HIP1: variants seen among roughly 807,000 people sequenced by gnomAD.
HIP1 encodes the protein huntingtin-interacting protein 1.
HIP1 carries 65 observed loss-of-function variants against 147.6 expected under a neutral mutation model. The ratio of observed to expected loss-of-function variants is 0.44; its 90% confidence interval spans 0.36 to 0.54. The LOEUF is 0.54. HIP1 is among the 20% of genes least tolerant of loss of function. The probability of loss-of-function intolerance (pLI) is 0.00; values close to 1 mark genes in which losing one functional copy is unlikely to be tolerated. For missense variants in HIP1, 1,061 were observed against 1,299.6 expected (o/e 0.82, Z 2.82); for synonymous variants, 479 against 504.0 (o/e 0.95, Z 0.67).
chr7:75,641,456 TTTTCTTTTTC>T, intron 1 of HIP1, among the ~76,000 whole-genome samples: 1 of 149,750 alleles, frequency 6.7e-6, no homozygotes, highest in South Asian at 2.1e-4. Context: ...TCTTTTTTGG[TTTTCTTTTTC>T]TTTCTTTTTT....
chr7:75,592,154 A>T, intron 3 of HIP1, 42 bp from the exon 4 acceptor site: 2 of 1,573,558 alleles, frequency 1.3e-6, no homozygotes, highest in Non-Finnish European at 1.7e-6. Context: ...ATGGAGAAGG[A>T]AAGAAAGACA....
At chr7:75,716,511 C>T (rs1372590979) in intron 1 of HIP1, among the ~76,000 whole-genome samples, 15 of 146,930 alleles carry the variant, frequency 1.0e-4, no homozygotes, top group African/African-American at 3.1e-4. Context: ...CATGAGCCAC[C>T]GTGCCTGGAC....
At chr7:75,729,037 C>G (rs1801743732) in intron 1 of HIP1, among the ~76,000 whole-genome samples, 1 of 150,660 alleles carries the variant, frequency 6.6e-6, no homozygotes, top group Non-Finnish European at 1.5e-5. Context: ...ATGCAGTTTA[C>G]CCATGTAACA....
chr7:75,554,273 C>T, intron 20 of HIP1, 53 bp from the exon 21 acceptor site: 1 of 1,471,126 alleles, frequency 6.8e-7, no homozygotes, highest in Non-Finnish European at 9.5e-7. Context: ...GTGACACTTT[C>T]ATACCCTCTC....
intron 1 of HIP1, among the ~76,000 whole-genome samples, chr7:75,705,351 G>A (rs996574947): frequency 6.6e-6 from 1 of 151,948 alleles, no homozygotes; most frequent in Non-Finnish European, 1.5e-5. Flanking sequence ...TGTAACAGCA[G>A]GATCTCTACC....
intron 20 of HIP1, 74 bp from the exon 21 acceptor site, chr7:75,554,294 A>C (rs1368858577): frequency 7.3e-7 from 1 of 1,369,744 alleles, no homozygotes; most frequent in African/African-American, 1.4e-5. Flanking sequence ...CTCCCGTTTT[A>C]TGAGTTGCCT....
intron 1 of HIP1, among the ~76,000 whole-genome samples, chr7:75,658,444 T>C (rs1799208518): frequency 1.3e-5 from 2 of 152,154 alleles, no homozygotes; most frequent in South Asian, 4.1e-4. Flanking sequence ...CTGCCCAGCT[T>C]CAGGACTAGT....
At chr7:75,675,553 T>C (rs1554515869) in intron 1 of HIP1, among the ~76,000 whole-genome samples, 1 of 152,184 alleles carries the variant, frequency 6.6e-6, no homozygotes, top group African/African-American at 2.4e-5. Flanking sequence ...TGTCATTTTC[T>C]TTTTTGTTCC....
intron 1 of HIP1, among the ~76,000 whole-genome samples, chr7:75,704,672 T>A (rs529819707): frequency 6.6e-6 from 1 of 152,018 alleles, no homozygotes; most frequent in Admixed American, 6.6e-5. Flanking sequence ...AACCTCCACC[T>A]CCCAGGTTCA....
intron 5 of HIP1, 89 bp downstream of exon 5, chr7:75,586,664 G>A (rs1554499686): frequency 2.4e-6 from 2 of 818,848 alleles, no homozygotes; most frequent in Non-Finnish European, 4.2e-6. Flanking sequence ...TCTATTACCT[G>A]AAAGAGCTGA....
At chr7:75,545,228 G>C in intron 25 of HIP1, 40 bp from the exon 26 acceptor site, 1 of 1,173,236 alleles carries the variant, frequency 8.5e-7, no homozygotes, top group Non-Finnish European at 1.3e-6. Context: ...CTTTTATTGA[G>C]CATGTACTAT....
chr7:75,705,547 G>A (rs772043986), intron 1 of HIP1, among the ~76,000 whole-genome samples: 3 of 151,606 alleles, frequency 2.0e-5, no homozygotes, highest in African/African-American at 4.8e-5. Flanking sequence ...TTTTGTTAGC[G>A]ATGAGGTTTT....
At chr7:75,731,964 A>G (rs1801851358) in intron 1 of HIP1, among the ~76,000 whole-genome samples, 1 of 152,198 alleles carries the variant, frequency 6.6e-6, no homozygotes, top group African/African-American at 2.4e-5. Context: ...AGAGCTCTCC[A>G]GCCAGGGTTG....
intron 1 of HIP1, among the ~76,000 whole-genome samples, chr7:75,634,134 C>T (rs1798337813): frequency 6.6e-6 from 1 of 152,046 alleles, no homozygotes; most frequent in African/African-American, 2.4e-5. Flanking sequence ...GTGGTGCCTG[C>T]CTGTTGTCCC....
intron 1 of HIP1, among the ~76,000 whole-genome samples, chr7:75,713,390 A>G (rs1374282225): frequency 6.6e-6 from 1 of 152,180 alleles, no homozygotes; most frequent in Admixed American, 6.5e-5. Context: ...AAGTCTTACT[A>G]GTATCCGGTG....
chr7:75,572,175 G>A (rs1392423421), intron 8 of HIP1, among the ~76,000 whole-genome samples: 1 of 148,560 alleles, frequency 6.7e-6, no homozygotes, highest in East Asian at 2.0e-4. Context: ...AGTGAGCCGA[G>A]ATCATGCCAT....
intron 1 of HIP1, among the ~76,000 whole-genome samples, chr7:75,656,203 AAC>A (rs1273955873): frequency 1.3e-5 from 2 of 152,108 alleles, no homozygotes; most frequent in East Asian, 1.9e-4. Flanking sequence ...TAAAAGCACA[AAC>A]ACACACACAC....
intron 4 of HIP1, 57 bp from the exon 5 acceptor site, chr7:75,586,890 T>C: frequency 9.9e-7 from 1 of 1,013,874 alleles, no homozygotes; most frequent in South Asian, 1.3e-5. Flanking sequence ...AGTCAAGAGA[T>C]CTGCAGCCAG....
intron 1 of HIP1, among the ~76,000 whole-genome samples, chr7:75,691,363 T>C (rs1342339787): frequency 6.6e-6 from 1 of 151,786 alleles, no homozygotes; most frequent in African/African-American, 2.4e-5. Context: ...TGGTGGCACG[T>C]GCCTGTAATC....
Sources: gnomAD v4.1 joint callset for allele counts (sites outside exome capture counted in the v4.1 genomes callset) on GRCh38, gnomAD v4.1.1 for gene constraint, MANE v1.5 for transcripts, NCBI Gene and HGNC (gene_info 2026-07-23, HGNC 2026-07-21) for gene names.